STIM2: variants seen among roughly 807,000 people sequenced by gnomAD.
STIM2 encodes stromal interaction molecule 2.
Under a neutral mutation model 85.8 loss-of-function variants are expected in STIM2, and 31 were observed. The observed-to-expected ratio is 0.36, with a 90% CI of 0.27 to 0.49. STIM2 has a LOEUF of 0.49. Ranked by LOEUF, STIM2 falls within the 20% of genes least tolerant of loss-of-function variation. The pLI, the probability that STIM2 is intolerant of heterozygous loss-of-function variation, is 0.98. For missense variants in STIM2, 841 were observed against 927.6 expected (o/e 0.91, Z 1.21); for synonymous variants, 356 against 331.1 (o/e 1.08, Z -0.82).
chr4:26,931,986 A>G (rs1200186138), intron 2 of STIM2, among the ~76,000 whole-genome samples: 1 of 152,236 alleles, frequency 6.6e-6, no homozygotes, highest in African/African-American at 2.4e-5. Context: ...ATAGATTTAT[A>G]TACTAAGATA....
chr4:27,006,878 A>T (rs750706450), intron 7 of STIM2, among the ~76,000 whole-genome samples: 1 of 152,212 alleles, frequency 6.6e-6, no homozygotes, highest in Non-Finnish European at 1.5e-5. Context: ...TTTCTGGTGT[A>T]TTCAAAGCAG....
intron 2 of STIM2, among the ~76,000 whole-genome samples, chr4:26,936,278 G>C (rs1293188249): frequency 6.6e-6 from 1 of 152,142 alleles, no homozygotes; most frequent in East Asian, 1.9e-4. Context: ...ATTTACTGGA[G>C]TTTCTTCTCT....
intron 3 of STIM2, among the ~76,000 whole-genome samples, chr4:26,990,750 C>A (rs995548906): frequency 6.6e-6 from 1 of 151,970 alleles, no homozygotes; most frequent in Non-Finnish European, 1.5e-5. Context: ...AGCAGAAAAA[C>A]AAATAATCTG....
At chr4:26,951,466 TG>T (rs1432371753) in intron 2 of STIM2, among the ~76,000 whole-genome samples, 2 of 152,132 alleles carry the variant, frequency 1.3e-5, no homozygotes, top group East Asian at 3.9e-4. Flanking sequence ...ACGGCACAGT[TG>T]TTTGTTTCTG....
At chr4:26,955,498 C>G (rs1726211898) in intron 2 of STIM2, among the ~76,000 whole-genome samples, 1 of 147,938 alleles carries the variant, frequency 6.8e-6, no homozygotes, top group East Asian at 1.9e-4. Flanking sequence ...TGGACTTTTT[C>G]CAAGATAGAG....
chr4:26,948,577 C>T (rs919251791), intron 2 of STIM2, among the ~76,000 whole-genome samples: 2 of 152,158 alleles, frequency 1.3e-5, no homozygotes, highest in African/African-American at 4.8e-5. Context: ...GCCTAGGCAA[C>T]ATAGTGAGAC....
chr4:26,941,991 T>C (rs1015885563), intron 2 of STIM2, among the ~76,000 whole-genome samples: 1 of 152,200 alleles, frequency 6.6e-6, no homozygotes, highest in African/African-American at 2.4e-5. Context: ...AAACCTGTTG[T>C]GTATTGTTTG....
intron 3 of STIM2, among the ~76,000 whole-genome samples, chr4:26,991,438 A>C (rs561768325): frequency 2.0e-5 from 3 of 152,178 alleles, no homozygotes; most frequent in Non-Finnish European, 4.4e-5. Context: ...CGAAGAGGGG[A>C]ATGAAGAGAA....
At chr4:27,001,119 G>C (rs938821761) in intron 5 of STIM2, among the ~76,000 whole-genome samples, 1 of 152,180 alleles carries the variant, frequency 6.6e-6, no homozygotes. Context: ...CCCCAGACTT[G>C]TCAGCCTAGG....
intron 2 of STIM2, among the ~76,000 whole-genome samples, chr4:26,948,346 C>T (rs1353177599): frequency 6.6e-6 from 1 of 152,190 alleles, no homozygotes; most frequent in Non-Finnish European, 1.5e-5. Flanking sequence ...CCTCCAGCCC[C>T]TCCCTGTGGA....
chr4:26,900,441 T>C (rs1723876347), intron 1 of STIM2, among the ~76,000 whole-genome samples: 1 of 152,174 alleles, frequency 6.6e-6, no homozygotes, highest in South Asian at 2.1e-4. Context: ...TCAAAGTAAT[T>C]ATTGAATTTT....
At chr4:27,011,661 A>G (rs945824873) in intron 10 of STIM2, among the ~76,000 whole-genome samples, 2 of 152,222 alleles carry the variant, frequency 1.3e-5, no homozygotes, top group Non-Finnish European at 2.9e-5. Context: ...TGCGTATGAA[A>G]TGATACCTCA....
At chr4:26,970,089 G>A (rs1387582984) in intron 3 of STIM2, among the ~76,000 whole-genome samples, 1 of 150,506 alleles carries the variant, frequency 6.6e-6, no homozygotes, top group Non-Finnish European at 1.5e-5. Flanking sequence ...ACATTGTCTT[G>A]CATTTTTGCA....
In STIM2 at chr4:26,867,251, A is replaced by G. The variant is rs150324252; in HGVS notation, c.151+5882A>G. ...AATTTATAGAATGATTTAAATTAGT[A>G]TAAGCCCTTGAAAAATCCAAGAAGA... On this transcript the variant is annotated intron_variant, in intron 1 of 11. Coordinates refer to ENST00000467087, the MANE Select transcript of STIM2 (RefSeq NM_020860.4). Among the ~76,000 whole-genome samples, 1,208 of 152,346 alleles carry G rather than the reference A, an allele frequency of 7.9e-3. 17 individuals carry two copies. The highest frequency in any genetic ancestry group is 0.027 in the African/African-American group (1,126 of 41,578).
At chr4:26,898,650 C>T (rs552810905) in intron 1 of STIM2, among the ~76,000 whole-genome samples, 2 of 152,216 alleles carry the variant, frequency 1.3e-5, no homozygotes, top group South Asian at 4.1e-4. Context: ...TGATAAAAGG[C>T]AGGAGAAATG....
At chr4:26,986,122 T>A (rs1727575941) in intron 3 of STIM2, among the ~76,000 whole-genome samples, 1 of 152,214 alleles carries the variant, frequency 6.6e-6, no homozygotes, top group Admixed American at 6.5e-5. Context: ...GCTTAAACTC[T>A]GAGCTTCAGC....
rs541032413 is a variant in STIM2 at position 26,991,324 on chromosome 4, G to T, written c.398-4055G>T. On this transcript the variant is annotated intron_variant, in intron 3 of 11. Transcript: ENST00000467087. Reference sequence around the variant, plus strand: ...CATTATGTTAAGTGAAATAAACCAGGCACAGAAAGACAAATATCACACGTT... The same window carrying T: ...CATTATGTTAAGTGAAATAAACCAGTCACAGAAAGACAAATATCACACGTT... Among the ~76,000 whole-genome samples the T allele has an allele frequency of 8.5e-5, 13 of 152,188 alleles. No homozygotes were observed. In the South Asian group the frequency reaches 2.7e-3, roughly 31 times the overall value.
chr4:26,889,421 A>T (rs1404980174), intron 1 of STIM2, among the ~76,000 whole-genome samples: 3 of 152,222 alleles, frequency 2.0e-5, no homozygotes, highest in Non-Finnish European at 4.4e-5. Flanking sequence ...ATCAGAAGCA[A>T]TGCTGTGTGA....
intron 1 of STIM2, 44 bp from the exon 2 acceptor site, chr4:26,919,460 G>A (rs774422944): frequency 1.2e-6 from 2 of 1,609,924 alleles, no homozygotes; most frequent in East Asian, 2.2e-5. Flanking sequence ...TATAGCCTTT[G>A]TTTTGGTATG....
Sources: allele counts gnomAD v4.1 joint callset (sites outside exome capture counted in the v4.1 genomes callset), GRCh38; gene constraint gnomAD v4.1.1; transcripts MANE v1.5; gene names NCBI Gene and HGNC (gene_info 2026-07-23, HGNC 2026-07-21).